The following CENPP variants were observed in gnomAD, a reference collection of about 807,000 sequenced individuals.
CENPP encodes centromere protein P.
Under a neutral mutation model 35.6 loss-of-function variants are expected in CENPP, and 24 were observed. That is an observed-to-expected ratio of 0.67 (90% CI 0.49 to 0.95). The LOEUF (loss-of-function observed/expected upper bound fraction) is 0.95. Ranked by LOEUF, CENPP falls within the 40% of genes least tolerant of loss-of-function variation. The pLI is 0.00. For missense variants in CENPP, 332 were observed against 345.3 expected, an observed-to-expected ratio of 0.96 and a Z score of 0.31; for synonymous variants, 120 against 125.5, an observed-to-expected ratio of 0.96 and a Z score of 0.29.
At chr9:92,463,039 A>G (rs1372338974) in intron 5 of CENPP, among the ~76,000 whole-genome samples, 2 of 152,196 alleles carry the variant, frequency 1.3e-5, no homozygotes, top group Non-Finnish European at 2.9e-5. Flanking sequence ...AGCCTCTAGG[A>G]TAAAACGAGC....
chr9:92,525,705 A>G (rs1588231656), intron 5 of CENPP, among the ~76,000 whole-genome samples: 1 of 152,062 alleles, frequency 6.6e-6, no homozygotes, highest in Non-Finnish European at 1.5e-5. Flanking sequence ...AGCCTGCCCA[A>G]CATGGTGAAA....
chr9:92,494,006 G>A lies in CENPP; in HGVS notation c.564+114147G>A, dbSNP rs145750718. On this transcript the variant is annotated intron_variant, in intron 5 of 7. Transcript: ENST00000375587. ...GCGGCCCTCAGGCCCCAGTGTGCTC[G>A]TCGCATTGTCACCCATTTTTCTGAC... 2.4e-4 allele frequency: 348 copies of A among 1,463,736 alleles called. 2 individuals carry two copies. The African/African-American group carries it at 4.2e-3, about 18-fold the overall frequency. 90.7% of individuals were successfully genotyped at this position (1,463,736 alleles called of 1,614,324 possible). A position where few individuals can be genotyped will look rare whatever the true frequency, so the allele number is the denominator to read the frequency against.
chr9:92,457,459 A>C, intron 5 of CENPP: 24 of 1,611,864 alleles, frequency 1.5e-5, no homozygotes, highest in Non-Finnish European at 2.0e-5. Context: ...CCACTCTTGC[A>C]ATTGAATTAG....
chr9:92,470,139 A>C (rs1190345139), intron 5 of CENPP, among the ~76,000 whole-genome samples: 1 of 152,244 alleles, frequency 6.6e-6, no homozygotes, highest in Non-Finnish European at 1.5e-5. Flanking sequence ...CAAAATGTTA[A>C]ACATGGAAGT....
At position 92,615,883 on chromosome 9, in the gene CENPP, C is replaced by A. The variant is rs373920364; in HGVS notation, c.*2734C>A. The A allele has an allele frequency of 3.1e-6, 5 of 1,614,150 alleles. No individual in the cohort carries two copies. The highest frequency in any genetic ancestry group is 1.1e-5 in the South Asian group (1 of 91,056). On this transcript the variant is annotated 3_prime_UTR_variant, in exon 8 of 8. Coordinates refer to ENST00000375587, the MANE Select transcript of CENPP (RefSeq NM_001012267.3). ...AATCTTCGCTTTCCTTGAACCGAGT[C>A]GACATCACGGCGTTGTCTTTGGCAC...
At chr9:92,406,843 C>T (rs1843320948) in intron 5 of CENPP, among the ~76,000 whole-genome samples, 1 of 152,156 alleles carries the variant, frequency 6.6e-6, no homozygotes, top group South Asian at 2.1e-4. Context: ...TTCTTCACAG[C>T]TAGAGGAGGA....
chr9:92,461,664 T>C (rs555550074), intron 5 of CENPP, among the ~76,000 whole-genome samples: 13 of 152,324 alleles, frequency 8.5e-5, no homozygotes, highest in African/African-American at 3.1e-4. Context: ...GGTCTTAGCA[T>C]TCATGCACGA....
At chr9:92,452,216 T>C (rs1285069025) in intron 5 of CENPP, among the ~76,000 whole-genome samples, 3 of 152,052 alleles carry the variant, frequency 2.0e-5, no homozygotes, top group Admixed American at 6.6e-5. Flanking sequence ...GCCCATTCAG[T>C]ATGATATTGG....
At chr9:92,413,515 T>C (rs1410444559) in intron 5 of CENPP, among the ~76,000 whole-genome samples, 1 of 152,216 alleles carries the variant, frequency 6.6e-6, no homozygotes, top group Non-Finnish European at 1.5e-5. Context: ...TTAGGAATTG[T>C]CTTATCTTTG....
intron 5 of CENPP, among the ~76,000 whole-genome samples, chr9:92,399,986 A>G (rs1843042193): frequency 6.6e-6 from 1 of 152,120 alleles, no homozygotes; most frequent in Admixed American, 6.5e-5. Context: ...TATTTGTTAC[A>G]TGTTGTTCCA....
At chr9:92,477,873 A>G (rs1368240705) in intron 5 of CENPP, among the ~76,000 whole-genome samples, 2 of 152,234 alleles carry the variant, frequency 1.3e-5, no homozygotes, top group Non-Finnish European at 2.9e-5. Context: ...TGTAAACTGT[A>G]TATACTGTGA....
At chr9:92,457,139 T>G in intron 5 of CENPP, 1 of 1,407,334 alleles carries the variant, frequency 7.1e-7, no homozygotes, top group Non-Finnish European at 9.2e-7. Context: ...CGTTGAAATT[T>G]CTTGTCATAA....
chr9:92,557,885 C>A (rs1379818841), intron 5 of CENPP, among the ~76,000 whole-genome samples: 6 of 152,136 alleles, frequency 3.9e-5, no homozygotes, highest in Non-Finnish European at 8.8e-5. Flanking sequence ...CCTTGTGATC[C>A]ACCCACCTAG....
At chr9:92,513,269 C>T (rs1847471849) in intron 5 of CENPP, among the ~76,000 whole-genome samples, 1 of 152,098 alleles carries the variant, frequency 6.6e-6, no homozygotes, top group African/African-American at 2.4e-5. Context: ...CACATTCCCT[C>T]TAGAATGTCA....
At chr9:92,505,456 T>A in intron 5 of CENPP, 3 of 1,252,552 alleles carry the variant, frequency 2.4e-6, no homozygotes, top group Non-Finnish European at 3.4e-6. Flanking sequence ...ATCACAATAG[T>A]CTTAAAATAT....
At chr9:92,521,783 AT>A (rs1009029257) in intron 5 of CENPP, among the ~76,000 whole-genome samples, 1 of 152,156 alleles carries the variant, frequency 6.6e-6, no homozygotes, top group African/African-American at 2.4e-5. Context: ...GTGGTTGAAA[AT>A]TTTTGGTTGA....
chr9:92,345,807 T>TA lies in CENPP; in HGVS notation c.467+21dup. The TA allele has an allele frequency of 2.0e-6, 3 of 1,474,840 alleles. No individual in the cohort carries two copies. Among genetic ancestry groups the TA allele is most frequent in the Non-Finnish European group, 2.8e-6 (3 of 1,065,428 alleles). 91.4% of individuals were successfully genotyped at this position (1,474,840 alleles called of 1,614,324 possible). On this transcript the variant is annotated intron_variant, in intron 4 of 7. Coordinates refer to ENST00000375587, the MANE Select transcript of CENPP (RefSeq NM_001012267.3). ...GTCTAGGTAAGCTATTTTACAAACT[T>TA]ACTTTTTTAGAGAAAAAAAGTAAAT...
intron 5 of CENPP, among the ~76,000 whole-genome samples, chr9:92,427,202 G>A (rs1234400591): frequency 1.3e-5 from 2 of 152,150 alleles, no homozygotes; most frequent in African/African-American, 4.8e-5. Flanking sequence ...TGGCTCTGTC[G>A]CCAAGGCTGG....
chr9:92,498,976 A>G (rs780108969), intron 5 of CENPP, among the ~76,000 whole-genome samples: 1 of 152,232 alleles, frequency 6.6e-6, no homozygotes, highest in Non-Finnish European at 1.5e-5. Flanking sequence ...CAATAGCAAC[A>G]CAATTGAAAG....
Sources: gnomAD v4.1 joint callset for allele counts (sites outside exome capture counted in the v4.1 genomes callset) on GRCh38, gnomAD v4.1.1 for gene constraint, MANE v1.5 for transcripts, NCBI Gene and HGNC (gene_info 2026-07-23, HGNC 2026-07-21) for gene names.